ST6GALNAC5: variants seen among roughly 807,000 people sequenced by gnomAD.
ST6GALNAC5 encodes the protein ST6 N-acetylgalactosaminide alpha-2,6-sialyltransferase 5.
Under a neutral mutation model 33.6 loss-of-function variants are expected in ST6GALNAC5, and 27 were observed. The observed-to-expected ratio is 0.80, with a 90% CI of 0.59 to 1.11. The LOEUF is 1.11. ST6GALNAC5 is among the 50% of genes least tolerant of loss of function. The pLI is 0.00. For synonymous variants in ST6GALNAC5, 194 were observed against 171.2 expected (o/e 1.13, Z -1.04); for missense variants, 428 against 454.0 (o/e 0.94, Z 0.52).
At chr1:76,937,287 A>C (rs1025413600) in intron 2 of ST6GALNAC5, among the ~76,000 whole-genome samples, 1 of 151,946 alleles carries the variant, frequency 6.6e-6, no homozygotes, top group African/African-American at 2.4e-5. Context: ...TCAAAGATAA[A>C]AGTTTTGCAA....
chr1:76,961,618 C>T (rs1209967695), intron 2 of ST6GALNAC5, among the ~76,000 whole-genome samples: 1 of 152,198 alleles, frequency 6.6e-6, no homozygotes, highest in East Asian at 1.9e-4. Context: ...ACATTCTGAG[C>T]TTCTTTCCAC....
At chr1:76,905,839 A>T (rs977445921) in intron 2 of ST6GALNAC5, among the ~76,000 whole-genome samples, 1 of 152,170 alleles carries the variant, frequency 6.6e-6, no homozygotes, top group African/African-American at 2.4e-5. Flanking sequence ...TTTGACATAT[A>T]CAGGAATATT....
At chr1:76,904,697 T>A (rs1349082646) in intron 2 of ST6GALNAC5, among the ~76,000 whole-genome samples, 1 of 152,010 alleles carries the variant, frequency 6.6e-6, no homozygotes, top group Non-Finnish European at 1.5e-5. Flanking sequence ...GGATGGCATA[T>A]GCCTGTAATC....
chr1:76,877,795 C>T (rs994529702), intron 2 of ST6GALNAC5, among the ~76,000 whole-genome samples: 5 of 152,198 alleles, frequency 3.3e-5, no homozygotes, highest in Admixed American at 3.3e-4. Context: ...TGACACAAAG[C>T]TAGAGAGTTG....
At chr1:77,054,092 T>A (rs1239419809) in intron 4 of ST6GALNAC5, among the ~76,000 whole-genome samples, 2 of 152,224 alleles carry the variant, frequency 1.3e-5, no homozygotes, top group African/African-American at 4.8e-5. Context: ...TAACTCGTGT[T>A]GGGTACCAGG....
Position 77,013,761 on chromosome 1 carries a change from C to A in ST6GALNAC5, c.262-30443C>A, listed in dbSNP as rs1435272331. Among the ~76,000 whole-genome samples the A allele has an allele frequency of 2.0e-5, 3 of 152,158 alleles. No homozygotes were observed. In the East Asian group the frequency reaches 5.8e-4, roughly 29 times the overall value. On this transcript the variant is annotated intron_variant, in intron 2 of 4. Coordinates refer to ENST00000477717, the MANE Select transcript of ST6GALNAC5 (RefSeq NM_030965.3). The stretch of plus-strand genomic sequence containing the variant: ...AGTGAAAGGATAAACAATTAATGTC[C>A]CAGCTCCTGGAAGTCGGATGGCCTT...
chr1:76,917,193 C>T (rs946676973), intron 2 of ST6GALNAC5, among the ~76,000 whole-genome samples: 12 of 152,042 alleles, frequency 7.9e-5, no homozygotes, highest in African/African-American at 2.9e-4. Flanking sequence ...TTGCTCTTTG[C>T]ATGTACATTA....
At chr1:76,975,833 G>A (rs980136571) in intron 2 of ST6GALNAC5, among the ~76,000 whole-genome samples, 4 of 152,134 alleles carry the variant, frequency 2.6e-5, no homozygotes, top group Admixed American at 6.5e-5. Flanking sequence ...GATGGCTCAC[G>A]CCTATAATCC....
intron 2 of ST6GALNAC5, among the ~76,000 whole-genome samples, chr1:76,989,097 A>C (rs760018630): frequency 3.3e-5 from 5 of 152,118 alleles, no homozygotes; most frequent in Non-Finnish European, 7.4e-5. Flanking sequence ...GTCTGCCGAA[A>C]GGATTCTTTA....
At chr1:77,001,059 T>C (rs1000104235) in intron 2 of ST6GALNAC5, among the ~76,000 whole-genome samples, 6 of 152,140 alleles carry the variant, frequency 3.9e-5, no homozygotes, top group African/African-American at 1.4e-4. Context: ...GGGGATGGCA[T>C]TGAATCTGTA....
chr1:76,876,743 G>A (rs1653648236), intron 2 of ST6GALNAC5, among the ~76,000 whole-genome samples: 2 of 152,206 alleles, frequency 1.3e-5, no homozygotes, highest in Non-Finnish European at 2.9e-5. Flanking sequence ...CTGTCCTTCA[G>A]GGATGTCCTA....
At position 76,911,631 on chromosome 1, in the gene ST6GALNAC5, G is replaced by A. The variant is rs1007563722; in HGVS notation, c.261+42889G>A. Among the ~76,000 whole-genome samples the A allele has an allele frequency of 7.6e-4, 115 of 152,134 alleles. 3 individuals are homozygous for A. Among genetic ancestry groups the A allele is most frequent in the African/African-American group, 2.7e-3 (114 of 41,510 alleles). On this transcript the variant is annotated intron_variant, in intron 2 of 4. Coordinates refer to ENST00000477717, the MANE Select transcript of ST6GALNAC5 (RefSeq NM_030965.3). ...TGCCACAATTTCAGATCCTGTTATT[G>A]GTCTATTCAGAGATTCAACTTCTTC...
chr1:76,949,897 C>T (rs1557734279), intron 2 of ST6GALNAC5, among the ~76,000 whole-genome samples: 2 of 152,134 alleles, frequency 1.3e-5, no homozygotes, highest in African/African-American at 2.4e-5. Context: ...TTGCACCTGT[C>T]GCTGAGCTAG....
chr1:77,058,089 G>T (rs780366312), intron 4 of ST6GALNAC5, among the ~76,000 whole-genome samples: 1 of 152,200 alleles, frequency 6.6e-6, no homozygotes, highest in Admixed American at 6.5e-5. Flanking sequence ...GGAAACCTGG[G>T]TGCCATTAGT....
chr1:76,993,868 C>A (rs1408140719), intron 2 of ST6GALNAC5, among the ~76,000 whole-genome samples: 1 of 151,794 alleles, frequency 6.6e-6, no homozygotes, highest in East Asian at 1.9e-4. Context: ...CTGGAGCTTT[C>A]TGACTTAGAA....
At chr1:76,912,610 G>A (rs1382431003) in intron 2 of ST6GALNAC5, among the ~76,000 whole-genome samples, 6 of 151,016 alleles carry the variant, frequency 4.0e-5, no homozygotes, top group African/African-American at 1.2e-4. Flanking sequence ...GGGTGTTCCT[G>A]TATTGGGTGC....
At chr1:76,991,810 C>T (rs1190768190) in intron 2 of ST6GALNAC5, among the ~76,000 whole-genome samples, 1 of 150,126 alleles carries the variant, frequency 6.7e-6, no homozygotes, top group Non-Finnish European at 1.5e-5. Context: ...TTAAGCATTC[C>T]CAAACAACCT....
chr1:76,901,758 G>A (rs543902648), intron 2 of ST6GALNAC5, among the ~76,000 whole-genome samples: 2 of 152,198 alleles, frequency 1.3e-5, no homozygotes, highest in Non-Finnish European at 2.9e-5. Flanking sequence ...CTTTTTGAGA[G>A]TTCCCAAAAT....
intron 2 of ST6GALNAC5, among the ~76,000 whole-genome samples, chr1:76,949,257 C>T (rs1303322092): frequency 6.6e-6 from 1 of 152,136 alleles, no homozygotes; most frequent in Non-Finnish European, 1.5e-5. Context: ...GAATTCGTTT[C>T]TTCCCGAGGC....
Sources: gnomAD v4.1 joint callset for allele counts (sites outside exome capture counted in the v4.1 genomes callset) on GRCh38, gnomAD v4.1.1 for gene constraint, MANE v1.5 for transcripts, NCBI Gene and HGNC (gene_info 2026-07-23, HGNC 2026-07-21) for gene names.